Variants in FMN2 observed in about 807,000 individuals in gnomAD.
FMN2 encodes the protein formin-2.
FMN2 carries 51 observed loss-of-function variants against 142.3 expected under a neutral mutation model. The observed-to-expected ratio is 0.36, with a 90% CI of 0.29 to 0.45. The LOEUF (loss-of-function observed/expected upper bound fraction) is 0.45. Ranked by LOEUF, FMN2 falls within the 20% of genes least tolerant of loss-of-function variation. FMN2 has a pLI of 1.00. For synonymous variants in FMN2, 882 were observed against 869.8 expected (o/e 1.01, Z -0.25); for missense variants, 1,936 against 2,122.8 (o/e 0.91, Z 1.73).
At chr1:240,360,756 T>C (rs1672434297) in intron 14 of FMN2, among the ~76,000 whole-genome samples, 1 of 151,980 alleles carries the variant, frequency 6.6e-6, no homozygotes, top group South Asian at 2.1e-4. Flanking sequence ...ATTAAGAAAA[T>C]GTGGCACATA....
intron 15 of FMN2, among the ~76,000 whole-genome samples, chr1:240,394,366 C>G (rs954453254): frequency 1.3e-5 from 2 of 152,108 alleles, no homozygotes; most frequent in African/African-American, 4.8e-5. Flanking sequence ...AAAGCCTAAT[C>G]CAGAGCAGGG....
At chr1:240,202,540 C>T (rs1010143177) in intron 4 of FMN2, among the ~76,000 whole-genome samples, 1 of 152,100 alleles carries the variant, frequency 6.6e-6, no homozygotes, top group Non-Finnish European at 1.5e-5. Flanking sequence ...CACTCTGTCT[C>T]CCAGGCTGGA....
At chr1:240,296,726 G>A (rs549521432) in intron 8 of FMN2, among the ~76,000 whole-genome samples, 6 of 151,520 alleles carry the variant, frequency 4.0e-5, no homozygotes, top group Non-Finnish European at 4.4e-5. Context: ...GATTGAGACC[G>A]ATGTAAGACA....
intron 8 of FMN2, among the ~76,000 whole-genome samples, chr1:240,309,690 G>A (rs60749784): frequency 0.031 from 4,739 of 152,168 alleles, 245 homozygotes; most frequent in African/African-American, 0.11. Flanking sequence ...TCCTCTAGCA[G>A]TGCCCCTCCA....
chr1:240,184,129 G>A (rs1665273504), intron 3 of FMN2, among the ~76,000 whole-genome samples: 1 of 151,192 alleles, frequency 6.6e-6, no homozygotes, highest in African/African-American at 2.4e-5. Context: ...GGCTTATTTT[G>A]TGATGGTAAA....
chr1:240,249,558 C>T (rs749786024), intron 6 of FMN2, among the ~76,000 whole-genome samples: 5 of 151,826 alleles, frequency 3.3e-5, no homozygotes, highest in South Asian at 2.1e-4. Flanking sequence ...TTTGTTTATT[C>T]GTTTTGCTCC....
At chr1:240,190,747 T>G (rs574043426) in intron 4 of FMN2, among the ~76,000 whole-genome samples, 3 of 152,142 alleles carry the variant, frequency 2.0e-5, no homozygotes, top group Non-Finnish European at 4.4e-5. Flanking sequence ...TGAGATGAGA[T>G]TCTAAATTTA....
rs771047438 is a variant in FMN2, at chr1:240,207,298, C to T, written c.2486C>T (p.Pro829Leu). The change falls in exon 5 of 18, where the codon CCG becomes CTG. Residue 829 changes from proline to leucine, a missense_variant. Physicochemically the swap from Pro to Leu is moderately conservative, Grantham distance 98. This residue lies in a region of FMN2 where 478 missense variants were observed against 462.8 expected (regional missense o/e 1.03). Coordinates refer to ENST00000319653, the MANE Select transcript of FMN2 (RefSeq NM_020066.5). ...SAGQGQPGSQPPHSISTEFQT... is the reference protein window; with the variant it reads ...SAGQGQPGSQLPHSISTEFQT... ...GGGCAAGGACAGCCTGGGTCACAGC[C>T]GCCCCATTCTATTTCTACCGAGTTT... The T allele has an allele frequency of 6.8e-6, 11 of 1,613,700 alleles. No homozygotes were observed. The highest frequency in any genetic ancestry group is 1.6e-4 in the Middle Eastern group (1 of 6,082).
At chr1:240,351,435 T>C (rs1572219774) in intron 13 of FMN2, among the ~76,000 whole-genome samples, 1 of 152,148 alleles carries the variant, frequency 6.6e-6, no homozygotes, top group Non-Finnish European at 1.5e-5. Flanking sequence ...TAAATGACTT[T>C]ACAGTTTTTC....
intron 13 of FMN2, among the ~76,000 whole-genome samples, chr1:240,355,206 A>G (rs568319241): frequency 6.6e-6 from 1 of 152,292 alleles, no homozygotes; most frequent in East Asian, 1.9e-4. Flanking sequence ...TAATAAGTCT[A>G]CTTTATGGGC....
intron 15 of FMN2, among the ~76,000 whole-genome samples, chr1:240,414,854 C>T (rs1213009984): frequency 6.6e-6 from 1 of 152,082 alleles, no homozygotes; most frequent in African/African-American, 2.4e-5. Context: ...AAGTGGAACC[C>T]AACTGTAATA....
At chr1:240,202,620 A>T (rs1666168956) in intron 4 of FMN2, among the ~76,000 whole-genome samples, 2 of 151,784 alleles carry the variant, frequency 1.3e-5, no homozygotes, top group Admixed American at 6.6e-5. Flanking sequence ...ACACCACCAC[A>T]CCTGGCTATT....
chr1:240,190,683 T>C (rs936777310), intron 4 of FMN2, among the ~76,000 whole-genome samples: 12 of 152,216 alleles, frequency 7.9e-5, no homozygotes, highest in Non-Finnish European at 2.9e-5. Flanking sequence ...TATACTATGA[T>C]AAAAATTATA....
At chr1:240,401,766 C>T (rs1455263768) in intron 15 of FMN2, among the ~76,000 whole-genome samples, 1 of 152,186 alleles carries the variant, frequency 6.6e-6, no homozygotes, top group East Asian at 1.9e-4. Flanking sequence ...GGCAATTTGG[C>T]ATTCCATATG....
intron 6 of FMN2, among the ~76,000 whole-genome samples, chr1:240,215,947 G>T (rs1045547960): frequency 6.6e-6 from 1 of 151,918 alleles, no homozygotes; most frequent in South Asian, 2.1e-4. Context: ...GACCTCAGGT[G>T]ATCCGTCTAC....
At chr1:240,128,900 A>G (rs2009764) in intron 2 of FMN2, among the ~76,000 whole-genome samples, 96,663 of 151,880 alleles carry the variant, frequency 0.64, 31,565 homozygotes, top group African/African-American at 0.79. Flanking sequence ...TTGAGACAGA[A>G]TCTCATTATG....
chr1:240,246,389 A>T (rs1335790507), intron 6 of FMN2, among the ~76,000 whole-genome samples: 1 of 152,138 alleles, frequency 6.6e-6, no homozygotes, highest in African/African-American at 2.4e-5. Context: ...TGAGCCTGGG[A>T]GTTAGAGGCT....
rs536746388 is a variant in FMN2, at chr1:240,340,513, A to G, written c.4765+6284A>G. On this transcript the variant is annotated intron_variant, in intron 13 of 17. Transcript: ENST00000319653. ...GGAGAATTGCTTGAACCTGGAAGGC[A>G]GAGTTTGCAGTGAGTGAAGATTGTA... is the stretch of plus-strand genomic sequence containing the variant. Among the ~76,000 whole-genome samples, 96 of 152,244 alleles carry G rather than the reference A, an allele frequency of 6.3e-4. 1 individual carries two copies. Among genetic ancestry groups the G allele is most frequent in the Non-Finnish European group, 9.4e-4 (64 of 68,000 alleles).
chr1:240,254,703 A>ACCC (rs1668394043), intron 6 of FMN2, among the ~76,000 whole-genome samples: 24 of 152,170 alleles, frequency 1.6e-4, no homozygotes, highest in Admixed American at 1.2e-3. Context: ...TGGCGGCTGC[A>ACCC]AGAGGGGTGC....
Sources: allele counts gnomAD v4.1 joint callset (sites outside exome capture counted in the v4.1 genomes callset), GRCh38; gene constraint gnomAD v4.1.1; regional missense constraint gnomAD v4.1.1; transcripts MANE v1.5; gene names NCBI Gene and HGNC (gene_info 2026-07-23, HGNC 2026-07-21).